Variants in SPG11 observed in about 807,000 individuals in gnomAD.
SPG11 encodes the protein spatacsin.
A neutral mutation model predicts 274.0 loss-of-function variants in SPG11; 222 were observed. The ratio of observed to expected loss-of-function variants is 0.81; its 90% CI spans 0.73 to 0.91. SPG11 has a LOEUF of 0.91. SPG11 is among the 40% of genes least tolerant of loss of function. The pLI is 0.00. For missense variants in SPG11, 3,114 were observed against 2,872.7 expected, an observed-to-expected ratio of 1.08 and a Z score of -1.92; for synonymous variants, 1,144 against 1,039.7, an observed-to-expected ratio of 1.10 and a Z score of -1.93.
intron 3 of SPG11, among the ~76,000 whole-genome samples, chr15:44,657,962 G>T (rs1389805589): frequency 6.6e-6 from 1 of 152,330 alleles, no homozygotes; most frequent in Admixed American, 6.5e-5. Flanking sequence ...AGGAGGCAGG[G>T]GTTGCAGTGA....
At chr15:44,628,540 T>TA in intron 10 of SPG11, 129 bp downstream of exon 10, 1 of 882,900 alleles carries the variant, frequency 1.1e-6, no homozygotes, top group South Asian at 1.4e-5. Context: ...CCCAAACCGA[T>TA]AAAACCTAAA....
At chr15:44,644,632 C>G (rs2084553262) in intron 7 of SPG11, among the ~76,000 whole-genome samples, 1 of 152,250 alleles carries the variant, frequency 6.6e-6, no homozygotes, top group East Asian at 1.9e-4. Flanking sequence ...GGAAGTAAAA[C>G]TATCTCTGTT....
Position 44,589,384 on chromosome 15 carries a change from C to CA in SPG11, c.4773dup (p.Val1592CysfsTer23), listed in dbSNP as rs1064795062. 1.2e-6 allele frequency: 2 copies of CA among 1,614,100 alleles called. No homozygotes were observed. Among genetic ancestry groups the CA allele is most frequent in the Non-Finnish European group, 1.7e-6 (2 of 1,179,952 alleles). ...TCCTCCAGCCACATGGCAGGGATGA[C>CA]AGGGTGGACCTTTGTGGCTGCTGTG... On this transcript the variant is annotated frameshift_variant, in exon 28 of 40. Transcript: ENST00000261866. LOFTEE classifies it high-confidence loss of function.
At chr15:44,654,047 G>A (rs1309708610) in intron 4 of SPG11, among the ~76,000 whole-genome samples, 2 of 152,080 alleles carry the variant, frequency 1.3e-5, no homozygotes, top group African/African-American at 2.4e-5. Context: ...TTGATCTCCT[G>A]GACTCAAGCA....
chr15:44,574,921 C>G lies in SPG11; in HGVS notation c.5987G>C (p.Cys1996Ser), dbSNP rs1567132702. 2 of 1,614,044 alleles carry G rather than the reference C, an allele frequency of 1.2e-6. No homozygotes were observed. The highest frequency in any genetic ancestry group is 3.3e-5 in the Admixed American group (2 of 60,024). ...HGKNYCRQVLCLYDLAKELGC... is the reference protein window; with the variant it reads ...HGKNYCRQVLSLYDLAKELGC... ...ACATACCTTGGCAAGATCATACAGA[C>G]AGAGGACCTGTCGACAGTAGTTCTT... is the stretch of plus-strand genomic sequence containing the variant. The change falls in exon 31 of 40, where the codon TGT becomes TCT. Residue 1996 changes from cysteine to serine, a missense_variant. Coordinates refer to ENST00000261866, the MANE Select transcript of SPG11 (RefSeq NM_025137.4).
intron 15 of SPG11, among the ~76,000 whole-genome samples, chr15:44,615,846 G>A (rs1351080271): frequency 1.3e-5 from 2 of 152,150 alleles, no homozygotes; most frequent in East Asian, 3.9e-4. Context: ...TTTGATGGGA[G>A]CCATTACCCA....
rs115293798 is a variant in SPG11, at chr15:44,566,599, A to G, written c.6755-294T>C. On this transcript the variant is annotated intron_variant, in intron 36 of 39. Transcript: ENST00000261866. Reference sequence around the variant, plus strand: ...CTGGTGGATGATACCCTGGATATATAGGCTATAGATCCAAGAGTACAATCC... The same window carrying G: ...CTGGTGGATGATACCCTGGATATATGGGCTATAGATCCAAGAGTACAATCC... Among the ~76,000 whole-genome samples the G allele has an allele frequency of 4.9e-3, 751 of 152,298 alleles. 10 individuals are homozygous for G. The highest frequency in any genetic ancestry group is 0.017 in the African/African-American group (717 of 41,566).
At chr15:44,628,189 T>G (rs963227567) in intron 10 of SPG11, among the ~76,000 whole-genome samples, 1 of 152,204 alleles carries the variant, frequency 6.6e-6, no homozygotes, top group African/African-American at 2.4e-5. Flanking sequence ...GGCAAACAGA[T>G]GGAAACAAAT....
intron 31 of SPG11, among the ~76,000 whole-genome samples, chr15:44,573,991 CTTA>C (rs757213925): frequency 3.3e-5 from 5 of 152,146 alleles, no homozygotes; most frequent in Non-Finnish European, 4.4e-5. Flanking sequence ...TTGTTGGACA[CTTA>C]TTTTTTTGGC....
intron 25 of SPG11, among the ~76,000 whole-genome samples, chr15:44,595,763 T>A (rs2083020182): frequency 6.6e-6 from 1 of 152,166 alleles, no homozygotes; most frequent in Non-Finnish European, 1.5e-5. Context: ...AAGGACTGTC[T>A]GGAATGTCCC....
chr15:44,595,272 T>C lies in SPG11; in HGVS notation c.4622A>G (p.Gln1541Arg). The C allele has an allele frequency of 6.2e-7, 1 of 1,614,216 alleles. No homozygotes were observed. The highest frequency in any genetic ancestry group is 8.5e-7 in the Non-Finnish European group (1 of 1,180,002). Residue 1541 changes from glutamine to arginine, a missense_variant, in exon 26 of 40, where the codon CAG (glutamine) becomes CGG (arginine). Transcript: ENST00000261866. ...AACTATCACTACCTTAAAGAAAAGC[T>C]GGAAACCTCTGATGAGAGTTTTGCT... ...QKSKTLIRGFQLFFKDSPLLL... is the reference protein window; with the variant it reads ...QKSKTLIRGFRLFFKDSPLLL...
intron 10 of SPG11, among the ~76,000 whole-genome samples, chr15:44,627,951 T>C (rs1480376720): frequency 6.6e-6 from 1 of 152,196 alleles, no homozygotes; most frequent in Non-Finnish European, 1.5e-5. Flanking sequence ...TCACACCACG[T>C]ACTTTAATCC....
At chr15:44,629,177 T>C (rs1202108934) in intron 9 of SPG11, 56 bp downstream of exon 9, 3 of 1,579,428 alleles carry the variant, frequency 1.9e-6, no homozygotes, top group Non-Finnish European at 2.6e-6. Context: ...GCAGCACTTG[T>C]ATCTGTTCTG....
intron 4 of SPG11, among the ~76,000 whole-genome samples, chr15:44,653,660 C>T (rs1482802889): frequency 6.6e-6 from 1 of 152,060 alleles, no homozygotes; most frequent in Non-Finnish European, 1.5e-5. Flanking sequence ...GACAAAGAAA[C>T]ATTTAGGAGA....
intron 7 of SPG11, among the ~76,000 whole-genome samples, chr15:44,646,932 T>C (rs1258543700): frequency 6.6e-6 from 1 of 152,056 alleles, no homozygotes; most frequent in African/African-American, 2.4e-5. Flanking sequence ...TGATATGCAA[T>C]TTACCTATGT....
chr15:44,599,873 T>C (rs1484310010), intron 21 of SPG11, among the ~76,000 whole-genome samples: 1 of 152,142 alleles, frequency 6.6e-6, no homozygotes, highest in African/African-American at 2.4e-5. Flanking sequence ...TTTTTTAAAG[T>C]TCTGGGATAC....
intron 25 of SPG11, 69 bp from the exon 26 acceptor site, chr15:44,595,528 G>A: frequency 6.8e-7 from 1 of 1,476,042 alleles, no homozygotes; most frequent in Non-Finnish European, 9.4e-7. Flanking sequence ...ACTACAGATG[G>A]ATATTTCCTG....
At chr15:44,627,577 G>C (rs1441650412) in intron 10 of SPG11, among the ~76,000 whole-genome samples, 1 of 151,842 alleles carries the variant, frequency 6.6e-6, no homozygotes, top group Non-Finnish European at 1.5e-5. Flanking sequence ...CAAAAAAGTA[G>C]AAGGAAAAGT....
chr15:44,620,467 C>T, intron 14 of SPG11, 64 bp from the exon 15 acceptor site: 1 of 1,088,308 alleles, frequency 9.2e-7, no homozygotes, highest in South Asian at 1.4e-5. Flanking sequence ...TAACTCAACA[C>T]TAAATTACTG....
Sources: gnomAD v4.1 joint callset for allele counts (sites outside exome capture counted in the v4.1 genomes callset) on GRCh38, gnomAD v4.1.1 for gene constraint, MANE v1.5 for transcripts, NCBI Gene and HGNC (gene_info 2026-07-23, HGNC 2026-07-21) for gene names.